The following NAV1 variants were observed in gnomAD, a reference collection of about 807,000 sequenced individuals.
NAV1 encodes pore membrane and/or filament interacting like protein 3.
NAV1 carries 18 observed loss-of-function variants against 175.2 expected under a neutral mutation model. That is an observed-to-expected ratio of 0.10 (90% CI 0.07 to 0.15). NAV1 has a LOEUF of 0.15. NAV1 is among the 10% of genes least tolerant of loss of function. NAV1 has a pLI of 1.00. For synonymous variants in NAV1, 897 were observed against 978.7 expected (o/e 0.92, Z 1.56); for missense variants, 1,731 against 2,436.6 (o/e 0.71, Z 6.10).
rs555013657 is a variant in NAV1 at position 201,765,283 on chromosome 1, G to A, written c.1227-15138G>A. Reference sequence around the variant, plus strand: ...AGTGACTTAAAAGAAAAAGGCAATGGTGGAAATCTATTATTTCAGCATCGA... The same window carrying A: ...AGTGACTTAAAAGAAAAAGGCAATGATGGAAATCTATTATTTCAGCATCGA... On this transcript the variant is annotated intron_variant, in intron 3 of 29. Coordinates refer to ENST00000367296, the Ensembl canonical transcript of NAV1. Among the ~76,000 whole-genome samples, 169 of 151,874 alleles carry A rather than the reference G, an allele frequency of 1.1e-3. 1 individual carries two copies. The highest frequency in any genetic ancestry group is 2.0e-3 in the Non-Finnish European group (134 of 68,018).
chr1:201,612,279 G>A (rs767210439), intron 2 of NAV1, among the ~76,000 whole-genome samples: 4 of 152,110 alleles, frequency 2.6e-5, no homozygotes, highest in East Asian at 1.9e-4. Context: ...TGAGAACCTC[G>A]TCTCTACAAA....
At chr1:201,600,851 C>G (rs999037366) in intron 2 of NAV1, among the ~76,000 whole-genome samples, 2 of 152,218 alleles carry the variant, frequency 1.3e-5, no homozygotes, top group African/African-American at 4.8e-5. Context: ...GATTCCCTAC[C>G]TGAAGTCTGG....
rs1678464695 is a variant in NAV1, at chr1:201,808,546, G to A, written c.3974G>A (p.Arg1325His). Residue 1325 changes from arginine (R) to histidine (H), a missense_variant, in exon 19 of 30, where the codon CGC becomes CAC. Transcript: ENST00000367296. The surrounding 1 kb of genome is among the most constrained non-coding windows in gnomAD (Gnocchi z 5.5). The stretch of plus-strand genomic sequence containing the variant: ...AAGGAAATGAAGCTTACAGACATCC[G>A]CTTGGAGGCCCTCAACTCTGCCCAC... The A allele has an allele frequency of 3.7e-6, 6 of 1,614,254 alleles. No individual in the cohort carries two copies. The highest frequency in any genetic ancestry group is 5.1e-6 in the Non-Finnish European group (6 of 1,180,048).
In NAV1 at chr1:201,693,079, G is replaced by T. The variant is rs529364958; in HGVS notation, c.758-19738G>T. Among the ~76,000 whole-genome samples, 10 of 152,356 alleles carry T rather than the reference G, an allele frequency of 6.6e-5. No individual in the cohort carries two copies. In the South Asian group the frequency reaches 1.4e-3, roughly 22 times the overall value. On this transcript the variant is annotated intron_variant, in intron 1 of 29. Coordinates refer to ENST00000367296, the Ensembl canonical transcript of NAV1. ...CTGGGAGGCGGGACAAGTATGGCAGGTGAGTGGGTGGAGGAGGTGCCATCT... is the reference window on the plus strand; with the variant it reads ...CTGGGAGGCGGGACAAGTATGGCAGTTGAGTGGGTGGAGGAGGTGCCATCT...
chr1:201,817,099 G>A, exon 29 of NAV1: 7 of 1,614,086 alleles, frequency 4.3e-6, no homozygotes, highest in Non-Finnish European at 5.9e-6. Context: ...TCCATGGACA[G>A]AAAGCTGCTT....
intron 2 of NAV1, among the ~76,000 whole-genome samples, chr1:201,716,042 G>T (rs1022200261): frequency 1.3e-5 from 2 of 152,156 alleles, no homozygotes; most frequent in Admixed American, 6.5e-5. Flanking sequence ...CTGTGGAATA[G>T]GGGAAGAGGC....
chr1:201,539,268 C>T lies in NAV1; in HGVS notation c.-218C>T, dbSNP rs1665431259. ...TGCTCGCGAGAAGCGGACCCCGCAC[C>T]CGCGCTGCCCTTGGGGATGCGCGAC... On this transcript the variant is annotated 5_prime_UTR_variant, in exon 1 of 34. Coordinates refer to the NAV1 transcript ENST00000685211. The surrounding 1 kb of genome is among the most constrained non-coding windows in gnomAD (Gnocchi z 5.6). Among the ~76,000 whole-genome samples the T allele has an allele frequency of 6.6e-6, 1 of 152,068 alleles. No individual in the cohort carries two copies. Among genetic ancestry groups the T allele is most frequent in the African/African-American group, 2.4e-5 (1 of 41,444 alleles).
chr1:201,808,177 C>A lies in NAV1; in HGVS notation c.3845+28C>A. 6.2e-7 allele frequency: 1 copy of A among 1,611,046 alleles called. No individual in the cohort carries two copies. Among genetic ancestry groups the A allele is most frequent in the Non-Finnish European group, 8.5e-7 (1 of 1,177,596 alleles). ...AAGTGCTCTTTGGCTCCCTGCCACC[C>A]AGCCTGTTACCAGTGTAAGCTGTGG... is the stretch of plus-strand genomic sequence containing the variant. On this transcript the variant is annotated intron_variant, in intron 18 of 29. Coordinates refer to ENST00000367296, the Ensembl canonical transcript of NAV1. The surrounding 1 kb of genome is among the most constrained non-coding windows in gnomAD (Gnocchi z 5.5).
intron 2 of NAV1, among the ~76,000 whole-genome samples, chr1:201,640,029 C>T (rs1219861470): frequency 6.6e-6 from 1 of 152,160 alleles, no homozygotes; most frequent in Non-Finnish European, 1.5e-5. Context: ...GGCATTCCCA[C>T]CCTTCTGGAA....
At chr1:201,799,025 T>C (rs2102772079) in intron 15 of NAV1, among the ~76,000 whole-genome samples, 1 of 152,048 alleles carries the variant, frequency 6.6e-6, no homozygotes, top group African/African-American at 2.4e-5. Flanking sequence ...TTAGGTGTGA[T>C]AATAGTACTG....
intron 29 of NAV1, among the ~76,000 whole-genome samples, chr1:201,818,255 G>A (rs756890601): frequency 5.9e-5 from 9 of 151,876 alleles, no homozygotes; most frequent in African/African-American, 9.7e-5. Context: ...AAGGCCAGGC[G>A]TGGTGGCTCA....
rs1665969828 is a variant in NAV1 at position 201,554,930 on chromosome 1, C to T, written c.-144+15588C>T. Among the ~76,000 whole-genome samples, 6 of 152,156 alleles carry T rather than the reference C, an allele frequency of 3.9e-5. No homozygotes were observed. The South Asian group carries it at 1.2e-3, about 32-fold the overall frequency. On this transcript the variant is annotated intron_variant, in intron 1 of 33. Transcript: ENST00000685211. ...TCCTTGCCTCTTCTAGTGTCCGGTG[C>T]TTTCCGACAATCCTTGTCATCCCTT...
intron 1 of NAV1, among the ~76,000 whole-genome samples, chr1:201,581,693 G>A (rs181103704): frequency 3.2e-4 from 48 of 151,874 alleles, no homozygotes; most frequent in Admixed American, 3.9e-4. Context: ...GCCGGGTGTC[G>A]TGGTGGGCGC....
At chr1:201,786,117 A>G (rs1676729587) in intron 8 of NAV1, among the ~76,000 whole-genome samples, 1 of 152,076 alleles carries the variant, frequency 6.6e-6, no homozygotes. Context: ...GAAAGCCCAC[A>G]TGTGGAATCA....
At chr1:201,598,083 C>A (rs150748806) in intron 2 of NAV1, among the ~76,000 whole-genome samples, 201 of 152,290 alleles carry the variant, frequency 1.3e-3, no homozygotes, top group African/African-American at 4.7e-3. Context: ...TTCAAGAAGG[C>A]AGCTTTGGAG....
At chr1:201,573,735 C>T (rs1376584858) in intron 1 of NAV1, among the ~76,000 whole-genome samples, 1 of 152,148 alleles carries the variant, frequency 6.6e-6, no homozygotes, top group Non-Finnish European at 1.5e-5. Context: ...TTATCTATTA[C>T]TAATTGGTTT....
At chr1:201,706,215 A>G (rs1384854341) in intron 1 of NAV1, among the ~76,000 whole-genome samples, 1 of 151,864 alleles carries the variant, frequency 6.6e-6, no homozygotes, top group Non-Finnish European at 1.5e-5. Flanking sequence ...GTCAGGAAAG[A>G]TATTTTTCTC....
chr1:201,551,280 G>T (rs1053261371), intron 1 of NAV1, among the ~76,000 whole-genome samples: 11 of 152,060 alleles, frequency 7.2e-5, no homozygotes, highest in Non-Finnish European at 1.3e-4. Flanking sequence ...CCAGGCTAGA[G>T]TGCAGTGATG....
intron 1 of NAV1, among the ~76,000 whole-genome samples, chr1:201,674,323 C>T (rs1009696411): frequency 3.3e-5 from 5 of 152,012 alleles, no homozygotes; most frequent in South Asian, 2.1e-4. Context: ...GGATGTCTGC[C>T]GCAGTGCCGC....
Sources: gnomAD v4.1 joint callset for allele counts (sites outside exome capture counted in the v4.1 genomes callset) on GRCh38, gnomAD v4.1.1 for gene constraint, Gnocchi (gnomAD v3.1) non-coding constraint, MANE v1.5 for transcripts, NCBI Gene and HGNC (gene_info 2026-07-23, HGNC 2026-07-21) for gene names.